Variants in PRAM1 observed in about 807,000 individuals in gnomAD.
PRAM1 encodes the protein PML-RARA-regulated adapter molecule 1.
Under a neutral mutation model 55.3 loss-of-function variants are expected in PRAM1, and 41 were observed. That is an observed-to-expected ratio of 0.74 (90% CI 0.58 to 0.96). PRAM1 has a LOEUF of 0.96. Among genes scored for constraint, PRAM1 ranks in the 40% least tolerant of loss-of-function variants. PRAM1 has a pLI of 0.00. For synonymous variants in PRAM1, 401 were observed against 387.1 expected (o/e 1.04, Z -0.42); for missense variants, 898 against 892.7 (o/e 1.01, Z -0.08).
chr19:8,492,934 T>G (rs1971649535), intron 4 of PRAM1, among the ~76,000 whole-genome samples: 1 of 151,890 alleles, frequency 6.6e-6, no homozygotes, highest in African/African-American at 2.4e-5. Flanking sequence ...GAGCTGGAGG[T>G]TGCAGTGAGT....
chr19:8,490,766 G>T lies in PRAM1; in HGVS notation c.1744-10C>A, dbSNP rs377266113. On this transcript the variant is annotated splice_polypyrimidine_tract_variant and intron_variant, in intron 6 of 9. Coordinates refer to ENST00000423345, the MANE Select transcript of PRAM1 (RefSeq NM_032152.5). This position sits in a 1 kb window ranked among gnomAD's most constrained non-coding sequence, Gnocchi z 7.3. ...CGATCTCCCCTTCAAACTGGGGCGC[G>T]AGATGTTAGGGCCTCTGCTTGTGCT... is the stretch of plus-strand genomic sequence containing the variant. 28 of 1,607,868 alleles carry T rather than the reference G, an allele frequency of 1.7e-5. No homozygotes were observed. The African/African-American group carries it at 3.1e-4, about 18-fold the overall frequency.
chr19:8,501,187 CT>C (rs1490815406), intron 1 of PRAM1, among the ~76,000 whole-genome samples: 1 of 151,134 alleles, frequency 6.6e-6, no homozygotes, highest in Non-Finnish European at 1.5e-5. Context: ...CAACCTCCGC[CT>C]CCTGGGTTCA....
intron 4 of PRAM1, among the ~76,000 whole-genome samples, chr19:8,495,692 C>T (rs1257586273): frequency 1.4e-5 from 2 of 140,198 alleles, no homozygotes; most frequent in African/African-American, 2.7e-5. Context: ...GTGGAGGGTA[C>T]GGATTTAAGG....
intron 4 of PRAM1, among the ~76,000 whole-genome samples, chr19:8,492,549 A>G (rs1361774356): frequency 6.6e-6 from 1 of 151,922 alleles, no homozygotes; most frequent in African/African-American, 2.4e-5. Flanking sequence ...GAGCCACTGC[A>G]CCCGGTAGGT....
intron 1 of PRAM1, among the ~76,000 whole-genome samples, chr19:8,501,976 G>A (rs1372559293): frequency 6.6e-6 from 1 of 152,190 alleles, no homozygotes; most frequent in Non-Finnish European, 1.5e-5. Flanking sequence ...AAGGAGATTG[G>A]GGGAGGGAAA....
Position 8,499,405 on chromosome 19 carries a change from C to T in PRAM1, c.403G>A (p.Gly135Arg). The change falls in exon 2 of 10, where the codon GGG becomes AGG. Residue 135 changes from glycine (G) to arginine (R), a missense_variant. Around this residue, in one of 4 missense-constraint regions of PRAM1, gnomAD observed 787 missense variants for 735.4 expected, o/e 1.07. Coordinates refer to ENST00000423345, the MANE Select transcript of PRAM1 (RefSeq NM_032152.5). ...GGCTTCCTTGGAAACGGAGTGGCCC[C>T]CAGCTGTGGGAACTTCTTGGAGAGG... ...SDLSKKFPQL[G>R]ATPFPRKPLQ... 1 of 1,612,710 alleles carries T rather than the reference C, an allele frequency of 6.2e-7. No homozygotes were observed. The highest frequency in any genetic ancestry group is 8.5e-7 in the Non-Finnish European group (1 of 1,179,850).
At chr19:8,496,200 G>A (rs1486687656) in intron 4 of PRAM1, 1 of 432,094 alleles carries the variant, frequency 2.3e-6, no homozygotes, top group South Asian at 1.6e-5. Flanking sequence ...CGGATCACGA[G>A]GTCAGGAGTT....
At chr19:8,495,799 T>G (rs1971692236) in intron 4 of PRAM1, among the ~76,000 whole-genome samples, 1 of 151,518 alleles carries the variant, frequency 6.6e-6, no homozygotes, top group Admixed American at 6.6e-5. Flanking sequence ...GCTTGTGTTT[T>G]CATGAAGGCA....
rs760836189 is a variant in PRAM1 at position 8,499,722 on chromosome 19, G to A, written c.86C>T (p.Pro29Leu). 1.2e-6 allele frequency: 2 copies of A among 1,613,552 alleles called. No homozygotes were observed. Among genetic ancestry groups the A allele is most frequent in the Admixed American group, 1.7e-5 (1 of 59,936 alleles). The change falls in exon 2 of 10, where the codon CCC becomes CTC. Residue 29 changes from proline to leucine, a missense_variant. Physicochemically the swap from Pro to Leu is moderately conservative, Grantham distance 98 (BLOSUM62 -3). This residue lies in a region of PRAM1 where 79 missense variants were observed against 93.4 expected (regional missense o/e 0.85). Transcript: ENST00000423345. ...CGGAGGTTTTTTGGGCAGGTCGCTG[G>A]GCTCCGGCTGAGAGGCCTGGAACTT... ...KAKFQASQPE[P>L]SDLPKKPPKP...
chr19:8,499,956 C>T (rs564200012), intron 1 of PRAM1, among the ~76,000 whole-genome samples, 176 bp from the exon 2 acceptor site: 1 of 150,630 alleles, frequency 6.6e-6, no homozygotes, highest in East Asian at 2.0e-4. Flanking sequence ...GACCGACACC[C>T]CTCCCTACTT....
Position 8,497,759 on chromosome 19 carries a change from C to T in PRAM1, c.1576+5G>A, listed in dbSNP as rs760053442. 1 of 1,601,040 alleles carries T rather than the reference C, an allele frequency of 6.2e-7. No individual in the cohort carries two copies. Among genetic ancestry groups the T allele is most frequent in the Non-Finnish European group, 8.5e-7 (1 of 1,176,496 alleles). On this transcript the variant is annotated splice_donor_5th_base_variant and intron_variant, in intron 4 of 9. Coordinates refer to ENST00000423345, the MANE Select transcript of PRAM1 (RefSeq NM_032152.5). ...TGCAGGGACTCGGGCAGGCCACCAA[C>T]AAACCTCTGCCCTTGGGGCTGGGGC... is the stretch of plus-strand genomic sequence containing the variant.
chr19:8,496,200 G>C (rs1486687656), intron 4 of PRAM1: 2 of 431,976 alleles, frequency 4.6e-6, no homozygotes, highest in African/African-American at 2.0e-5. Context: ...CGGATCACGA[G>C]GTCAGGAGTT....
chr19:8,490,522 T>A lies in PRAM1; in HGVS notation c.1907-13A>T, dbSNP rs1490211768. The A allele has an allele frequency of 5.6e-6, 9 of 1,608,438 alleles. No individual in the cohort carries two copies. The highest frequency in any genetic ancestry group is 7.6e-6 in the Non-Finnish European group (9 of 1,177,766). On this transcript the variant is annotated splice_polypyrimidine_tract_variant and intron_variant, in intron 7 of 9. Coordinates refer to ENST00000423345, the MANE Select transcript of PRAM1 (RefSeq NM_032152.5). The surrounding 1 kb of genome is among the most constrained non-coding windows in gnomAD (Gnocchi z 7.3). ...GGCACGTAGCCATCTGTGGAGAGAGTGGGCATGGTGGGTTCTGAGGCCCAG... is the reference window on the plus strand; with the variant it reads ...GGCACGTAGCCATCTGTGGAGAGAGAGGGCATGGTGGGTTCTGAGGCCCAG...
intron 1 of PRAM1, among the ~76,000 whole-genome samples, chr19:8,500,698 C>T (rs1045724526): frequency 6.6e-6 from 1 of 152,200 alleles, no homozygotes. Context: ...CTGGGTCTCT[C>T]CTTTTCCTCC....
At position 8,491,259 on chromosome 19, in the gene PRAM1, A is replaced by G. The variant is rs1393357113; in HGVS notation, c.1577-102T>C. 4.0e-6 allele frequency: 5 copies of G among 1,251,460 alleles called. No individual in the cohort carries two copies. In the Admixed American group the frequency reaches 7.9e-5, roughly 20 times the overall value. The allele number at this position is 1,251,460 out of a possible 1,614,324, so 77.5% of individuals were successfully genotyped here. A position where few individuals can be genotyped will look rare whatever the true frequency, so the allele number is the denominator to read the frequency against. Reference sequence around the variant, plus strand: ...TTTTTGTGTTTTTGTTTTGAGACGAAGTCTTGCTCTGTCACCCAGGCTGGA... The same window carrying G: ...TTTTTGTGTTTTTGTTTTGAGACGAGGTCTTGCTCTGTCACCCAGGCTGGA... On this transcript the variant is annotated intron_variant, in intron 4 of 9. Transcript: ENST00000423345.
rs1393083008 is a variant in PRAM1 at position 8,498,521 on chromosome 19, G to C, written c.1287C>G (p.Ala429=). 1.2e-6 allele frequency: 2 copies of C among 1,605,866 alleles called. No individual in the cohort carries two copies. Among genetic ancestry groups the C allele is most frequent in the South Asian group, 2.2e-5 (2 of 90,374 alleles). ...GATGGCTGGGTCTGAGGCCTGGCCT[G>C]GCCCCTCCACTGTGAACCAGGCCTC... The part of the protein sequence containing the change: ...RSGGLVHSGG[A]RPGLRPSHPP... Residue 429 remains alanine, a synonymous_variant, in exon 2 of 10, where the codon GCC becomes GCG. Coordinates refer to ENST00000423345, the MANE Select transcript of PRAM1 (RefSeq NM_032152.5).
chr19:8,497,057 G>A (rs1366410372), intron 4 of PRAM1, among the ~76,000 whole-genome samples: 1 of 152,048 alleles, frequency 6.6e-6, no homozygotes, highest in Non-Finnish European at 1.5e-5. Context: ...ATGGATGGAT[G>A]GATGGATGGA....
In PRAM1 at chr19:8,499,895, G is replaced by A. The variant is rs542541540; in HGVS notation, c.28-115C>T. ...AACCACCACCCCTGCGCCCAGGCCC[G>A]GTCAGCCCTCAGCTCTTTCCCAGGA... On this transcript the variant is annotated intron_variant, in intron 1 of 9. Transcript: ENST00000423345. 1.2e-3 allele frequency: 1,009 copies of A among 854,224 alleles called. 5 individuals are homozygous for A. In the African/African-American group the frequency reaches 0.013, roughly 11 times the overall value. The allele number at this position is 854,224 out of a possible 1,614,324, so 52.9% of individuals were successfully genotyped here. A position where few individuals can be genotyped will look rare whatever the true frequency, so the allele number is the denominator to read the frequency against.
chr19:8,500,522 C>A (rs1049901423), intron 1 of PRAM1, among the ~76,000 whole-genome samples: 6 of 152,104 alleles, frequency 3.9e-5, no homozygotes, highest in Non-Finnish European at 8.8e-5. Context: ...GCTCAAAACT[C>A]GGCAATGCTT....
Sources: allele counts gnomAD v4.1 joint callset (sites outside exome capture counted in the v4.1 genomes callset), GRCh38; gene constraint gnomAD v4.1.1; regional missense constraint gnomAD v4.1.1; non-coding constraint Gnocchi (gnomAD v3.1); transcripts MANE v1.5; gene names NCBI Gene and HGNC (gene_info 2026-07-23, HGNC 2026-07-21).